Variants in GPM6B observed in about 807,000 individuals in gnomAD.
GPM6B encodes neuronal membrane glycoprotein M6-b.
GPM6B carries 4 observed loss-of-function variants against 27.2 expected under a neutral mutation model. The ratio of observed to expected loss-of-function variants is 0.15; its 90% confidence interval spans 0.07 to 0.34. The LOEUF is 0.34. GPM6B is among the 10% of genes least tolerant of loss of function. GPM6B has a pLI of 1.00. For missense variants in GPM6B, 183 were observed against 261.9 expected (o/e 0.70, Z 2.08); for synonymous variants, 124 against 103.1 (o/e 1.20, Z -1.23).
At chrX:13,809,915 CA>C (rs750794950) in intron 1 of GPM6B, among the ~76,000 whole-genome samples, 29 of 48,288 alleles carry the variant, frequency 6.0e-4, no homozygotes, top group African/African-American at 8.7e-4. Flanking sequence ...CCAGCCTGGG[CA>C]AAAAAAAAAA....
rs1410001719 is a variant in GPM6B, at chrX:13,785,606, G to T, written c.368+16C>A. On this transcript the variant is annotated intron_variant, in intron 3 of 7. Transcript: ENST00000316715. The stretch of plus-strand genomic sequence containing the variant: ...CCAGGCCTTAGATGCATTTTTAAAG[G>T]GAACCGGATACTTACACCTCGCTCA... 8.3e-7 allele frequency: 1 copy of T among 1,203,958 alleles called. No individual in the cohort carries two copies. Among genetic ancestry groups the T allele is most frequent in the Admixed American group, 2.2e-5 (1 of 45,879 alleles).
chrX:13,918,087 T>C (rs2050445601), intron 1 of GPM6B, among the ~76,000 whole-genome samples: 1 of 113,121 alleles, frequency 8.8e-6, no homozygotes, highest in Non-Finnish European at 1.9e-5. Flanking sequence ...GACTATCCTG[T>C]CACCAGAAGA....
chrX:13,795,787 A>G (rs1424638467), intron 2 of GPM6B, among the ~76,000 whole-genome samples: 1 of 104,556 alleles, frequency 9.6e-6, no homozygotes, highest in African/African-American at 3.5e-5. Flanking sequence ...TCCATCTTAA[A>G]AAACTCAAAG....
chrX:13,916,227 G>A (rs922654443), intron 1 of GPM6B, among the ~76,000 whole-genome samples: 2 of 112,061 alleles, frequency 1.8e-5, no homozygotes. Context: ...CAATGAAAGA[G>A]TGCCATAAAG....
chrX:13,924,616 G>T (rs750870211), intron 1 of GPM6B, among the ~76,000 whole-genome samples: 12 of 111,826 alleles, frequency 1.1e-4, no homozygotes, highest in Admixed American at 5.7e-4. Context: ...CACCTTCAAC[G>T]GAAGGATATT....
At position 13,785,760 on chromosome X, in the gene GPM6B, G is replaced by A. The variant is rs1247017354; in HGVS notation, c.230C>T (p.Ser77Phe). Residue 77 changes from serine (S) to phenylalanine (F), a missense_variant, in exon 3 of 8, where the codon TCC (serine) becomes TTC (phenylalanine). By Grantham distance (155) the Ser-to-Phe change is radical. Transcript: ENST00000316715. The part of the protein sequence containing the change: ...IKCLGGVPYA[S>F]LVATILCFSG... ...GAAGCAGAGGATGGTGGCCACCAGGGAGGCGTAGGGGACTCCTCCCAGACA... is the reference window on the plus strand; with the variant it reads ...GAAGCAGAGGATGGTGGCCACCAGGAAGGCGTAGGGGACTCCTCCCAGACA... 8.3e-7 allele frequency: 1 copy of A among 1,211,323 alleles called. No individual in the cohort carries two copies.
rs572827298 is a variant in GPM6B at position 13,780,070 on chromosome X, C to A, written c.526-81G>T. On this transcript the variant is annotated intron_variant, in intron 4 of 7. Coordinates refer to ENST00000316715, the MANE Select transcript of GPM6B (RefSeq NM_001001995.3). Reference sequence around the variant, plus strand: ...CCTAAGTGGAAGGATTGTGCATTTTCAGGCCCAATACTGACCTGTGGAACA... The same window carrying A: ...CCTAAGTGGAAGGATTGTGCATTTTAAGGCCCAATACTGACCTGTGGAACA... 4.1e-5 allele frequency: 36 copies of A among 868,207 alleles called. No homozygotes were observed. The South Asian group carries it at 8.9e-4, about 22-fold the overall frequency. The allele number at this position is 868,207 out of a possible 1,213,427, so 71.5% of individuals were successfully genotyped here. A position where few individuals can be genotyped will look rare whatever the true frequency, so the allele number is the denominator to read the frequency against.
chrX:13,858,149 CCTA>C (rs1246650522), intron 1 of GPM6B, among the ~76,000 whole-genome samples: 1 of 112,132 alleles, frequency 8.9e-6, no homozygotes, highest in African/African-American at 3.2e-5. Context: ...GATAAGGCAT[CCTA>C]CTGCTTCAGT....
chrX:13,772,513 TGTCACAGGTCCTTATTAAGGA>T lies in GPM6B; in HGVS notation c.*347_*367del, dbSNP rs766384454. 54 of 139,958 alleles carry T rather than the reference TGTCACAGGTCCTTATTAAGGA, an allele frequency of 3.9e-4. No individual in the cohort carries two copies. Among genetic ancestry groups the T allele is most frequent in the Admixed American group, 9.9e-4 (12 of 12,181 alleles). The allele number at this position is 139,958 out of a possible 1,213,427, so 11.5% of individuals were successfully genotyped here. Reference sequence around the variant, plus strand: ...CGGTCTTATCCCTTGATGCTGGGCATGTCACAGGTCCTTATTAAGGAGTCACAGGTCCCTATTAAGGAGTGT... The same window carrying T: ...CGGTCTTATCCCTTGATGCTGGGCATGTCACAGGTCCCTATTAAGGAGTGT... On this transcript the variant is annotated 3_prime_UTR_variant, in exon 8 of 8. Coordinates refer to ENST00000316715, the MANE Select transcript of GPM6B (RefSeq NM_001001995.3).
At chrX:13,885,728 C>T (rs2050128741) in intron 1 of GPM6B, among the ~76,000 whole-genome samples, 1 of 111,489 alleles carries the variant, frequency 9.0e-6, no homozygotes. Flanking sequence ...GGTCCCACCC[C>T]CCTCCATCTT....
intron 1 of GPM6B, among the ~76,000 whole-genome samples, chrX:13,907,264 G>C (rs1016264246): frequency 8.9e-6 from 1 of 112,472 alleles, no homozygotes; most frequent in African/African-American, 3.2e-5. Flanking sequence ...GACAACCCAA[G>C]AGATGGTTTT....
Position 13,776,271 on chromosome X carries a change from G to A in GPM6B, c.804C>T (p.Ala268=). The change falls in exon 7 of 8, where the codon GCC becomes GCT. Residue 268 remains alanine (A), a synonymous_variant. Coordinates refer to ENST00000316715, the MANE Select transcript of GPM6B (RefSeq NM_001001995.3). ...FYMSYHLFIV[A]CAGAGATVIA... is the part of the protein sequence containing the mutation. ...TGACGGTGGCACCAGCTCCTGCACAGGCCACAATGAACAGGTGATAGGACA... is the reference window on the plus strand; with the variant it reads ...TGACGGTGGCACCAGCTCCTGCACAAGCCACAATGAACAGGTGATAGGACA... 1 of 1,209,542 alleles carries A rather than the reference G, an allele frequency of 8.3e-7. No homozygotes were observed. The highest frequency in any genetic ancestry group is 1.1e-6 in the Non-Finnish European group (1 of 893,615).
chrX:13,906,912 T>C (rs1441332878), intron 1 of GPM6B, among the ~76,000 whole-genome samples: 3 of 112,143 alleles, frequency 2.7e-5, no homozygotes, highest in Non-Finnish European at 5.6e-5. Context: ...TGCTCTTGTG[T>C]TCTCCGGTCA....
In GPM6B at chrX:13,925,999, G is replaced by A. The variant is rs756378680; in HGVS notation, c.-198+12328C>T. Among the ~76,000 whole-genome samples the A allele has an allele frequency of 4.7e-5, 5 of 105,351 alleles. No homozygotes were observed. The East Asian group carries it at 1.5e-3, about 32-fold the overall frequency. 91.5% of individuals were successfully genotyped at this position (105,351 alleles called of 115,157 possible). ...GAACCCAGGAGGCGGAGTTTGCAGC[G>A]ACCCGAGATCGCACCACTGCACTCC... On this transcript the variant is annotated intron_variant, in intron 1 of 6. Transcript: ENST00000398361.
At chrX:13,852,150 CT>C (rs751441832) in intron 1 of GPM6B, among the ~76,000 whole-genome samples, 4 of 110,970 alleles carry the variant, frequency 3.6e-5, no homozygotes, top group African/African-American at 1.3e-4. Flanking sequence ...CATCTGGTCT[CT>C]TTTGCAATGA....
At chrX:13,839,615 T>C (rs766745705) in intron 1 of GPM6B, among the ~76,000 whole-genome samples, 10 of 111,235 alleles carry the variant, frequency 9.0e-5, no homozygotes, top group Non-Finnish European at 1.9e-4. Flanking sequence ...CGCTTTCTCA[T>C]GTACCGCACA....
intron 1 of GPM6B, among the ~76,000 whole-genome samples, chrX:13,935,724 A>C (rs1921805970): frequency 8.9e-6 from 1 of 112,095 alleles, no homozygotes; most frequent in African/African-American, 3.2e-5. Flanking sequence ...GCAAGTTCCT[A>C]TCAGATAAAA....
chrX:13,854,950 C>T (rs1234685323), intron 1 of GPM6B, among the ~76,000 whole-genome samples: 6 of 111,202 alleles, frequency 5.4e-5, no homozygotes, highest in Admixed American at 2.9e-4. Context: ...TTCATTTTCA[C>T]AAAGTGGATA....
At chrX:13,816,694 C>T in intron 1 of GPM6B, 150 bp downstream of exon 1, 1 of 634,041 alleles carries the variant, frequency 1.6e-6, no homozygotes, top group Non-Finnish European at 2.6e-6. Context: ...TTAACATCAG[C>T]CCACAGGAAA....
Sources: gnomAD v4.1 joint callset for allele counts (sites outside exome capture counted in the v4.1 genomes callset) on GRCh38, gnomAD v4.1.1 for gene constraint, MANE v1.5 for transcripts, NCBI Gene and HGNC (gene_info 2026-07-23, HGNC 2026-07-21) for gene names.